PHEX: variants seen among roughly 807,000 people sequenced by gnomAD.
PHEX encodes phosphate regulating endopeptidase X-linked, also known as phosphate-regulating neutral endopeptidase PHEX.
In PHEX, 16 loss-of-function variants were observed where a neutral mutation model predicts 68.0. The observed-to-expected ratio is 0.24, with a 90% CI of 0.16 to 0.36. The LOEUF is 0.36. Ranked by LOEUF, PHEX falls within the 10% of genes least tolerant of loss-of-function variation. The pLI is 1.00. For synonymous variants in PHEX, 208 were observed against 205.1 expected, an observed-to-expected ratio of 1.01 and a Z score of -0.12; for missense variants, 480 against 575.5, an observed-to-expected ratio of 0.83 and a Z score of 1.70.
intron 12 of PHEX, among the ~76,000 whole-genome samples, chrX:22,148,040 CA>C (rs1932759786): frequency 9.1e-6 from 1 of 109,600 alleles, no homozygotes; most frequent in African/African-American, 3.3e-5. Context: ...TGCTGCATAA[CA>C]AATTACCCCA....
At chrX:22,225,066 C>T (rs1425865955) in intron 18 of PHEX, among the ~76,000 whole-genome samples, 1 of 9,206 alleles carries the variant, frequency 1.1e-4, no homozygotes, top group Non-Finnish European at 2.4e-4. Context: ...TGTAGAGGTT[C>T]TAGGGGAGTA....
intron 3 of PHEX, among the ~76,000 whole-genome samples, chrX:22,073,264 T>G (rs1928986504): frequency 8.8e-6 from 1 of 113,295 alleles, no homozygotes; most frequent in Non-Finnish European, 1.9e-5. Context: ...CACTTACTGA[T>G]CCCCGTTATC....
At chrX:22,130,670 A>G (rs767945163) in intron 11 of PHEX, among the ~76,000 whole-genome samples, 1 of 109,095 alleles carries the variant, frequency 9.2e-6, no homozygotes, top group South Asian at 3.9e-4. Context: ...ATTGTGACTT[A>G]TGCATCTCTC....
intron 16 of PHEX, among the ~76,000 whole-genome samples, chrX:22,215,478 C>T (rs1297707334): frequency 9.0e-6 from 1 of 111,068 alleles, no homozygotes; most frequent in Non-Finnish European, 1.9e-5. Context: ...AATTATGGGG[C>T]ATGAACAAGC....
At chrX:22,038,339 G>C (rs190448295) in intron 1 of PHEX, 130 bp from the exon 2 acceptor site, 4 of 564,918 alleles carry the variant, frequency 7.1e-6, no homozygotes, top group Non-Finnish European at 1.3e-5. Flanking sequence ...GAACCAACTG[G>C]GTTTTGGAAT....
chrX:22,130,856 C>G (rs757218859), intron 11 of PHEX, among the ~76,000 whole-genome samples: 6 of 110,459 alleles, frequency 5.4e-5, no homozygotes, highest in Non-Finnish European at 1.1e-4. Flanking sequence ...CCTTAATTTC[C>G]TTATCTGTCA....
At position 22,170,896 on chromosome X, in the gene PHEX, G is replaced by A. The variant is rs147546030; in HGVS notation, c.1482+2507G>A. 1.2e-4 allele frequency among the ~76,000 whole-genome samples: 14 copies of A among 112,278 alleles called. No homozygotes were observed. In the East Asian group the frequency reaches 3.9e-3, roughly 31 times the overall value. ...GGCTGTGCTTCTTTGTTTCTCTGGG[G>A]CCTGAACTGAAGACATTACACACCA... On this transcript the variant is annotated intron_variant, in intron 13 of 21. Coordinates refer to ENST00000379374, the MANE Select transcript of PHEX (RefSeq NM_000444.6).
At chrX:22,142,844 T>C (rs1054658323) in intron 12 of PHEX, among the ~76,000 whole-genome samples, 1 of 112,748 alleles carries the variant, frequency 8.9e-6, no homozygotes, top group Non-Finnish European at 1.9e-5. Flanking sequence ...GGGCATTCTT[T>C]AATTTACCAA....
At chrX:22,178,203 C>A in intron 13 of PHEX, 70 bp from the exon 14 acceptor site, 1 of 687,729 alleles carries the variant, frequency 1.5e-6, no homozygotes, top group Non-Finnish European at 2.3e-6. Flanking sequence ...CCTTCCTATG[C>A]TGAAGTATTT....
At position 22,141,519 on chromosome X, in the gene PHEX, C is replaced by T. The variant is rs747182893; in HGVS notation, c.1404+7895C>T. On this transcript the variant is annotated intron_variant, in intron 12 of 21. Transcript: ENST00000379374. ...GTTAATTTCTAGGTCTTTTTTTCCC[C>T]GCTCACAGGAACTGTTGTTAAGCCC... 1.4e-4 allele frequency among the ~76,000 whole-genome samples: 15 copies of T among 109,913 alleles called. 1 individual carries two copies. The East Asian group carries it at 3.4e-3, about 25-fold the overall frequency.
chrX:22,040,385 T>C (rs1299937051), intron 2 of PHEX, among the ~76,000 whole-genome samples: 2 of 111,782 alleles, frequency 1.8e-5, no homozygotes, highest in African/African-American at 6.5e-5. Flanking sequence ...CACGTGCCTT[T>C]AGTTCCAGCC....
chrX:22,038,373 G>T, intron 1 of PHEX, 96 bp from the exon 2 acceptor site: 1 of 606,535 alleles, frequency 1.6e-6, no homozygotes, highest in South Asian at 2.2e-5. Flanking sequence ...TGAGAAGGAT[G>T]AACTGATATC....
chrX:22,152,435 G>A (rs1206270517), intron 12 of PHEX, among the ~76,000 whole-genome samples: 1 of 111,646 alleles, frequency 9.0e-6, no homozygotes, highest in Non-Finnish European at 1.9e-5. Flanking sequence ...TTTCCACAAG[G>A]CCCTTCCCTT....
intron 11 of PHEX, among the ~76,000 whole-genome samples, chrX:22,126,864 G>GTTTTTTTTTTT (rs35691469): frequency 7.3e-5 from 4 of 54,600 alleles, no homozygotes; most frequent in Non-Finnish European, 9.5e-5. Flanking sequence ...TGAAATAGTT[G>GTTTTTTTTTTT]TTTTTTTTTT....
intron 5 of PHEX, among the ~76,000 whole-genome samples, chrX:22,083,689 C>T (rs1929493571): frequency 8.9e-6 from 1 of 111,871 alleles, no homozygotes. Context: ...ATTTTGTATA[C>T]TCGAACTTTA....
At chrX:22,231,924 C>G (rs898491794) in intron 20 of PHEX, among the ~76,000 whole-genome samples, 1 of 112,154 alleles carries the variant, frequency 8.9e-6, no homozygotes, top group Non-Finnish European at 1.9e-5. Flanking sequence ...AAATTTCTCT[C>G]TACACACTGA....
chrX:22,114,169 C>G (rs748839636), intron 10 of PHEX, among the ~76,000 whole-genome samples: 1 of 109,386 alleles, frequency 9.1e-6, no homozygotes, highest in East Asian at 2.8e-4. Flanking sequence ...AGGCTGGTCT[C>G]GAGCTCCTGA....
At chrX:22,166,616 T>C in intron 12 of PHEX, among the ~76,000 whole-genome samples, 1 of 111,414 alleles carries the variant, frequency 9.0e-6, no homozygotes, top group Non-Finnish European at 1.9e-5. Flanking sequence ...TCACCTCATA[T>C]ATTTATCATT....
rs1933622263 is a variant in PHEX, at chrX:22,174,002, C to T, written c.1483-4271C>T. On this transcript the variant is annotated intron_variant, in intron 13 of 21. Transcript: ENST00000379374. ...ACATTTCCTTGTTCTGCGCTTATTA[C>T]AGGTTCTCCATCTTTGGGGTGGTGG... Among the ~76,000 whole-genome samples, 6 of 112,164 alleles carry T rather than the reference C, an allele frequency of 5.3e-5. No homozygotes were observed. The Admixed American group carries it at 5.7e-4, about 11-fold the overall frequency.
Sources: allele counts gnomAD v4.1 joint callset (sites outside exome capture counted in the v4.1 genomes callset), GRCh38; gene constraint gnomAD v4.1.1; transcripts MANE v1.5; gene names NCBI Gene and HGNC (gene_info 2026-07-23, HGNC 2026-07-21).